Variants in SPAG16 observed in about 807,000 individuals in gnomAD.
SPAG16 encodes the protein sperm associated antigen 16, also known as sperm-associated antigen 16 protein.
SPAG16 carries 86 observed loss-of-function variants against 80.4 expected under a neutral mutation model. That is an observed-to-expected ratio of 1.07 (90% confidence interval 0.90 to 1.28). The LOEUF (loss-of-function observed/expected upper bound fraction) is 1.28, where lower values mean the gene tolerates loss of function less well. Among genes scored for constraint, SPAG16 ranks in the 50% most tolerant of loss-of-function variants. SPAG16 has a pLI of 0.00. For missense variants in SPAG16, 870 were observed against 765.3 expected, an observed-to-expected ratio of 1.14 and a Z score of -1.61; for synonymous variants, 294 against 265.9, an observed-to-expected ratio of 1.11 and a Z score of -1.03.
intron 9 of SPAG16, among the ~76,000 whole-genome samples, chr2:213,428,201 TCTGA>T (rs917094720): frequency 3.3e-5 from 5 of 152,286 alleles, no homozygotes; most frequent in African/African-American, 1.2e-4. Flanking sequence ...TGTGGTGGTG[TCTGA>T]CTGAGAGCTG....
intron 10 of SPAG16, among the ~76,000 whole-genome samples, chr2:213,540,840 A>G (rs573622922): frequency 6.6e-6 from 1 of 152,248 alleles, no homozygotes; most frequent in Non-Finnish European, 1.5e-5. Context: ...CAGAAATGCC[A>G]GACAGAACAG....
intron 12 of SPAG16, among the ~76,000 whole-genome samples, chr2:213,985,580 C>T (rs1293026703): frequency 4.6e-5 from 7 of 151,992 alleles, no homozygotes; most frequent in African/African-American, 1.7e-4. Flanking sequence ...AGCACTTTCT[C>T]CAAATAAAAT....
intron 10 of SPAG16, among the ~76,000 whole-genome samples, chr2:213,810,917 G>A (rs1176523978): frequency 6.6e-6 from 1 of 152,178 alleles, no homozygotes; most frequent in Non-Finnish European, 1.5e-5. Flanking sequence ...ATTTGGAACA[G>A]TGAATAGGCT....
chr2:214,144,707 G>A (rs561883127), intron 14 of SPAG16, among the ~76,000 whole-genome samples: 1 of 152,054 alleles, frequency 6.6e-6, no homozygotes, highest in South Asian at 2.1e-4. Flanking sequence ...CTGAAGAAAG[G>A]AAACAATGTC....
intron 9 of SPAG16, among the ~76,000 whole-genome samples, chr2:213,408,554 C>T (rs2654557): frequency 0.61 from 92,052 of 151,532 alleles, 28,660 homozygotes; most frequent in Middle Eastern, 0.73. Context: ...GAAAATCCCC[C>T]TAACCCAGCA....
intron 10 of SPAG16, among the ~76,000 whole-genome samples, chr2:213,543,022 A>G (rs967757998): frequency 6.6e-6 from 1 of 152,124 alleles, no homozygotes; most frequent in African/African-American, 2.4e-5. Flanking sequence ...TTCAAATTCA[A>G]TAACAAAAAT....
At chr2:213,304,043 T>G (rs1379202988) in intron 3 of SPAG16, among the ~76,000 whole-genome samples, 1 of 152,080 alleles carries the variant, frequency 6.6e-6, no homozygotes, top group African/African-American at 2.4e-5. Context: ...CTTGCCAGCA[T>G]TCATTATTGG....
intron 15 of SPAG16, among the ~76,000 whole-genome samples, chr2:214,400,232 T>C (rs1204962801): frequency 6.6e-6 from 1 of 151,990 alleles, no homozygotes; most frequent in Non-Finnish European, 1.5e-5. Context: ...TATATTCACA[T>C]GCTATAGTTT....
Position 213,478,839 on chromosome 2 carries a change from C to CT in SPAG16, c.943-11122dup, listed in dbSNP as rs532895814. ...CTTATCCATTCATCTTCTGAATACT[C>CT]TTAAGAATCTTCAATTTAACCAATA... is the stretch of plus-strand genomic sequence containing the variant. On this transcript the variant is annotated intron_variant, in intron 9 of 15. Transcript: ENST00000331683. 7.9e-5 allele frequency among the ~76,000 whole-genome samples: 12 copies of CT among 152,214 alleles called. No homozygotes were observed. In the East Asian group the frequency reaches 2.3e-3, roughly 29 times the overall value.
intron 15 of SPAG16, among the ~76,000 whole-genome samples, chr2:214,353,156 T>C (rs1008773881): frequency 1.3e-5 from 2 of 152,088 alleles, no homozygotes; most frequent in African/African-American, 4.8e-5. Flanking sequence ...TGTTTCTTTA[T>C]TGAATAAAAT....
chr2:213,536,601 G>A (rs1370948871), intron 10 of SPAG16, among the ~76,000 whole-genome samples: 1 of 152,122 alleles, frequency 6.6e-6, no homozygotes, highest in African/African-American at 2.4e-5. Flanking sequence ...ATTTTTTCAT[G>A]TGTCTTTTGG....
rs371905997 is a variant in SPAG16 at position 214,266,682 on chromosome 2, GA to G, written c.1720+117422del. ...TGTGTACTGACAACATGATGTTATA[GA>G]AAAAATATTAAATAATCCAACAAAA... On this transcript the variant is annotated intron_variant, in intron 15 of 15. Coordinates refer to ENST00000331683, the MANE Select transcript of SPAG16 (RefSeq NM_024532.5). Among the ~76,000 whole-genome samples the G allele has an allele frequency of 8.3e-4, 126 of 151,372 alleles. 1 individual carries two copies. Among genetic ancestry groups the G allele is most frequent in the South Asian group, 5.2e-3 (25 of 4,806 alleles).
chr2:214,130,168 T>C (rs1482879106), intron 14 of SPAG16, among the ~76,000 whole-genome samples: 2 of 152,170 alleles, frequency 1.3e-5, no homozygotes, highest in Non-Finnish European at 2.9e-5. Flanking sequence ...TAAGCCCTGA[T>C]TGGCAAGCTT....
intron 13 of SPAG16, among the ~76,000 whole-genome samples, chr2:214,091,385 A>G (rs2052198130): frequency 6.6e-6 from 1 of 152,156 alleles, no homozygotes; most frequent in African/African-American, 2.4e-5. Flanking sequence ...ACAGCTGGTC[A>G]GAAACAGAGC....
intron 10 of SPAG16, among the ~76,000 whole-genome samples, chr2:213,682,356 C>G (rs2125264601): frequency 6.6e-6 from 1 of 152,276 alleles, no homozygotes; most frequent in Middle Eastern, 3.4e-3. Flanking sequence ...TACCCTAGAA[C>G]CCATTCAATC....
At chr2:213,315,941 C>T (rs2063382707) in intron 4 of SPAG16, among the ~76,000 whole-genome samples, 1 of 151,956 alleles carries the variant, frequency 6.6e-6, no homozygotes, top group Non-Finnish European at 1.5e-5. Context: ...TTATGGCTCA[C>T]TCCTAGGACC....
intron 9 of SPAG16, among the ~76,000 whole-genome samples, chr2:213,450,054 C>T (rs376350801): frequency 6.6e-6 from 1 of 152,144 alleles, no homozygotes; most frequent in African/African-American, 2.4e-5. Context: ...CCTGTAATCC[C>T]AGCACTTTGG....
At chr2:213,441,116 C>T (rs1422042747) in intron 9 of SPAG16, among the ~76,000 whole-genome samples, 1 of 152,142 alleles carries the variant, frequency 6.6e-6, no homozygotes, top group Admixed American at 6.5e-5. Flanking sequence ...TATAATACAG[C>T]AATTCCACTT....
chr2:213,559,257 G>A (rs2059527587), intron 10 of SPAG16, among the ~76,000 whole-genome samples: 1 of 152,140 alleles, frequency 6.6e-6, no homozygotes, highest in Non-Finnish European at 1.5e-5. Flanking sequence ...GAGTGGCAGT[G>A]TTTATTCTCA....
Sources: allele counts gnomAD v4.1 joint callset (sites outside exome capture counted in the v4.1 genomes callset), GRCh38; gene constraint gnomAD v4.1.1; transcripts MANE v1.5; gene names NCBI Gene and HGNC (gene_info 2026-07-23, HGNC 2026-07-21).